Variants in PALM2AKAP2 observed in about 807,000 individuals in gnomAD.
The protein encoded by PALM2AKAP2 is PALM2-AKAP2 fusion protein.
In PALM2AKAP2, 37 loss-of-function variants were observed where a neutral mutation model predicts 71.5. The ratio of observed to expected loss-of-function variants is 0.52; its 90% CI spans 0.40 to 0.68. The LOEUF (loss-of-function observed/expected upper bound fraction) is 0.68, where lower values mean the gene tolerates loss of function less well. Ranked by LOEUF, PALM2AKAP2 falls within the 30% of genes least tolerant of loss-of-function variation. PALM2AKAP2 has a pLI of 0.00. For synonymous variants in PALM2AKAP2, 468 were observed against 478.8 expected, an observed-to-expected ratio of 0.98 and a Z score of 0.29; for missense variants, 1,224 against 1,191.8, an observed-to-expected ratio of 1.03 and a Z score of -0.40.
At position 110,137,785 on chromosome 9, in the gene PALM2AKAP2, T is replaced by G. The variant is rs780138293; in HGVS notation, c.1815T>G (p.Asn605Lys). 2.9e-5 allele frequency: 47 copies of G among 1,613,976 alleles called. 1 individual carries two copies. In the South Asian group the frequency reaches 4.2e-4, roughly 14 times the overall value. Residue 605 changes from asparagine to lysine, a missense_variant, in exon 2 of 4, where the codon AAT becomes AAG. By Grantham distance (94) the Asn-to-Lys change is moderately conservative. Transcript: ENST00000374525. Reference sequence around the variant, plus strand: ...AGACAACCAATGCCCTCCAGGAAAATTCACTGGCTGATTTTTCTCTGCCCC... The same window carrying G: ...AGACAACCAATGCCCTCCAGGAAAAGTCACTGGCTGATTTTTCTCTGCCCC...
chr9:109,792,302 T>G (rs1827134754), intron 1 of PALM2AKAP2, among the ~76,000 whole-genome samples: 1 of 152,218 alleles, frequency 6.6e-6, no homozygotes, highest in South Asian at 2.1e-4. Flanking sequence ...ATTAAATTCT[T>G]TAATTTGGAA....
chr9:110,048,803 G>T, exon 1 of PALM2AKAP2: 2 of 1,533,522 alleles, frequency 1.3e-6, no homozygotes, highest in South Asian at 1.2e-5. Context: ...GCCGCGCGGC[G>T]CTGGACTGGA....
intron 1 of PALM2AKAP2, among the ~76,000 whole-genome samples, chr9:109,714,229 A>G (rs1828284128): frequency 6.6e-6 from 1 of 152,208 alleles, no homozygotes; most frequent in Non-Finnish European, 1.5e-5. Context: ...CCAACCTTAG[A>G]GAATATTGTG....
chr9:109,836,969 A>C (rs1374345044), intron 1 of PALM2AKAP2, among the ~76,000 whole-genome samples: 1 of 152,274 alleles, frequency 6.6e-6, no homozygotes, highest in Non-Finnish European at 1.5e-5. Context: ...GATATTATCC[A>C]GGAGAACTTC....
At chr9:110,138,654 G>A in intron 2 of PALM2AKAP2, 115 bp downstream of exon 8, 1 of 1,435,762 alleles carries the variant, frequency 7.0e-7, no homozygotes, top group South Asian at 1.5e-5. Context: ...TAAGTGTTGG[G>A]GGGACACTGG....
chr9:110,101,272 G>T (rs902693656), intron 1 of PALM2AKAP2, among the ~76,000 whole-genome samples: 7 of 152,036 alleles, frequency 4.6e-5, no homozygotes. Flanking sequence ...CTCCTGGGAG[G>T]TTTGCTGTGT....
intron 1 of PALM2AKAP2, among the ~76,000 whole-genome samples, chr9:109,649,446 T>G (rs981990245): frequency 6.6e-6 from 1 of 152,220 alleles, no homozygotes; most frequent in Admixed American, 6.5e-5. Flanking sequence ...CTGAAATGGT[T>G]TTATGGTTAT....
At chr9:109,768,462 T>C (rs944536869) in intron 1 of PALM2AKAP2, among the ~76,000 whole-genome samples, 8 of 152,202 alleles carry the variant, frequency 5.3e-5, no homozygotes, top group Non-Finnish European at 1.0e-4. Flanking sequence ...TAAGTTAGGG[T>C]ATGTGAGGTA....
intron 3 of PALM2AKAP2, among the ~76,000 whole-genome samples, chr9:110,161,566 A>C (rs745436629): frequency 3.9e-5 from 6 of 152,176 alleles, no homozygotes; most frequent in Non-Finnish European, 8.8e-5. Flanking sequence ...CTGACGAGGG[A>C]GGCTGTGTGG....
At chr9:109,890,554 G>T (rs887242622) in intron 3 of PALM2AKAP2, among the ~76,000 whole-genome samples, 3 of 152,182 alleles carry the variant, frequency 2.0e-5, no homozygotes, top group South Asian at 4.1e-4. Flanking sequence ...CCGACATCAA[G>T]AATTTTTTTG....
intron 3 of PALM2AKAP2, among the ~76,000 whole-genome samples, chr9:109,886,244 G>A (rs1829962313): frequency 6.6e-6 from 1 of 152,116 alleles, no homozygotes; most frequent in Non-Finnish European, 1.5e-5. Flanking sequence ...TGCCATTATT[G>A]TGTGTGGTGG....
At chr9:109,969,375 A>G (rs554222375) in intron 6 of PALM2AKAP2, among the ~76,000 whole-genome samples, 12 of 152,272 alleles carry the variant, frequency 7.9e-5, no homozygotes, top group Non-Finnish European at 1.5e-4. Context: ...CATCTTTCTC[A>G]TTCACTCTGT....
chr9:110,147,924 A>G (rs1336144236), intron 2 of PALM2AKAP2, among the ~76,000 whole-genome samples: 1 of 152,234 alleles, frequency 6.6e-6, no homozygotes, highest in African/African-American at 2.4e-5. Context: ...CTTAGAATTA[A>G]CATTTCTCTT....
intron 7 of PALM2AKAP2, chr9:110,025,103 T>G: frequency 8.8e-7 from 1 of 1,138,610 alleles, no homozygotes; most frequent in Non-Finnish European, 1.3e-6. Context: ...TTAATTCTCT[T>G]GGCAAGAATC....
intron 5 of PALM2AKAP2, among the ~76,000 whole-genome samples, chr9:109,926,742 G>A (rs1224776603): frequency 6.6e-6 from 1 of 151,836 alleles, no homozygotes; most frequent in Admixed American, 6.6e-5. Flanking sequence ...ACATCTCTCT[G>A]ATACTTAGGG....
intron 1 of PALM2AKAP2, among the ~76,000 whole-genome samples, chr9:109,718,184 G>T (rs1401927866): frequency 6.6e-6 from 1 of 152,018 alleles, no homozygotes; most frequent in Non-Finnish European, 1.5e-5. Context: ...AGGCTCAAGT[G>T]ATCCTCCCAC....
Position 110,015,962 on chromosome 9 carries a change from T to TG in PALM2AKAP2, c.508dup (p.Glu170GlyfsTer9). 5 of 1,613,426 alleles carry TG rather than the reference T, an allele frequency of 3.1e-6. No homozygotes were observed. Among genetic ancestry groups the TG allele is most frequent in the Non-Finnish European group, 4.2e-6 (5 of 1,179,832 alleles). On this transcript the variant is annotated frameshift_variant, in exon 7 of 10. Transcript: ENST00000302798. LOFTEE classifies it high-confidence loss of function. ...TCTTTTTTTTCTTTCAGGAGTCGGG[T>TG]GGGAGAATGTGCTGCTAAAGGAAGG...
intron 1 of PALM2AKAP2, among the ~76,000 whole-genome samples, chr9:109,661,595 C>T (rs566446235): frequency 1.3e-5 from 2 of 152,214 alleles, no homozygotes; most frequent in Non-Finnish European, 2.9e-5. Context: ...AGTCAGGTAG[C>T]GTGATGCCTC....
rs1248130905 is a variant in PALM2AKAP2 at position 109,662,562 on chromosome 9, G to A, written c.5+21696G>A. ...AGCTTTTTGATGTGCTGCTGGATTT[G>A]GTTTGCCAGTATTTTATTGAGGATT... On this transcript the variant is annotated intron_variant, in intron 1 of 6. Coordinates refer to the PALM2AKAP2 transcript ENST00000374531. 2.6e-5 allele frequency among the ~76,000 whole-genome samples: 4 copies of A among 151,916 alleles called. No individual in the cohort carries two copies. In the South Asian group the frequency reaches 8.3e-4, roughly 32 times the overall value.
Sources: gnomAD v4.1 joint callset for allele counts (sites outside exome capture counted in the v4.1 genomes callset) on GRCh38, gnomAD v4.1.1 for gene constraint, MANE v1.5 for transcripts, NCBI Gene and HGNC (gene_info 2026-07-23, HGNC 2026-07-21) for gene names.